Variants in ARHGAP23 observed in about 807,000 individuals in gnomAD.
ARHGAP23 encodes Rho GTPase activating protein 23.
Under a neutral mutation model 136.3 loss-of-function variants are expected in ARHGAP23, and 34 were observed. That is an observed-to-expected ratio of 0.25 (90% CI 0.19 to 0.33). The LOEUF (loss-of-function observed/expected upper bound fraction) is 0.33. Among genes scored for constraint, ARHGAP23 ranks in the 10% least tolerant of loss-of-function variants. ARHGAP23 has a pLI of 1.00. For missense variants in ARHGAP23, 1,808 were observed against 2,139.0 expected, an observed-to-expected ratio of 0.85 and a Z score of 3.05; for synonymous variants, 832 against 920.5, an observed-to-expected ratio of 0.90 and a Z score of 1.74.
chr17:38,490,981 C>T (rs1341832078), intron 19 of ARHGAP23, among the ~76,000 whole-genome samples: 2 of 152,222 alleles, frequency 1.3e-5, no homozygotes, highest in East Asian at 1.9e-4. Flanking sequence ...TGCCTTGGCA[C>T]GATCTCGGCT....
In ARHGAP23 at chr17:38,466,423, T is replaced by A. The variant is rs753044461; in HGVS notation, c.740T>A (p.Met247Lys). ...CACCTGGACAACTCTTCCTTGGGGA[T>A]GAGCCAGCCCCGCCCCAGCCCTGGT... The part of the protein sequence containing the change: ...RAHLDNSSLG[M>K]SQPRPSPGAF... The change falls in exon 7 of 24, where the codon ATG becomes AAG. Residue 247 changes from methionine (M) to lysine (K), a missense_variant. By Grantham distance (95) the Met-to-Lys change is moderately conservative. Coordinates refer to ENST00000622683, the MANE Select transcript of ARHGAP23 (RefSeq NM_001199417.2). 3 of 1,528,516 alleles carry A rather than the reference T, an allele frequency of 2.0e-6. No individual in the cohort carries two copies. The African/African-American group carries it at 4.1e-5, about 21-fold the overall frequency. The allele number at this position is 1,528,516 out of a possible 1,614,324, so 94.7% of individuals were successfully genotyped here.
rs12939694 is a variant in ARHGAP23, at chr17:38,437,486, G to A, written c.63+8938G>A. On this transcript the variant is annotated intron_variant, in intron 1 of 23. Transcript: ENST00000622683. ...TAAAAAATTAGCCAGGTGTGGTGGT[G>A]CACACCTGTAGTCCCAGCTACTCGG... is the stretch of plus-strand genomic sequence containing the variant. 6.0e-3 allele frequency among the ~76,000 whole-genome samples: 908 copies of A among 151,968 alleles called. 13 individuals are homozygous for A. Among genetic ancestry groups the A allele is most frequent in the African/African-American group, 0.019 (774 of 41,438 alleles).
intron 1 of ARHGAP23, among the ~76,000 whole-genome samples, chr17:38,443,968 C>T (rs554956391): frequency 6.6e-6 from 1 of 152,208 alleles, no homozygotes; most frequent in African/African-American, 2.4e-5. Flanking sequence ...CACTGTCCAG[C>T]GTGAGACCAG....
At chr17:38,464,991 G>A (rs932310226) in intron 6 of ARHGAP23, among the ~76,000 whole-genome samples, 2 of 152,092 alleles carry the variant, frequency 1.3e-5, no homozygotes, top group Non-Finnish European at 2.9e-5. Flanking sequence ...CCAGCCGAGA[G>A]AGAGTCGGGT....
intron 22 of ARHGAP23, 56 bp from the exon 23 acceptor site, chr17:38,500,541 C>T (rs2144792145): frequency 1.3e-6 from 2 of 1,490,376 alleles, no homozygotes; most frequent in Admixed American, 2.0e-5. Flanking sequence ...GCATAAGACT[C>T]AGCTTTCTTT....
At chr17:38,439,441 C>T (rs2038873115) in intron 1 of ARHGAP23, among the ~76,000 whole-genome samples, 1 of 152,342 alleles carries the variant, frequency 6.6e-6, no homozygotes, top group African/African-American at 2.4e-5. Flanking sequence ...TATCCAGCTT[C>T]TAGGCCAGGC....
chr17:38,482,969 T>C (rs886757212), intron 16 of ARHGAP23, among the ~76,000 whole-genome samples: 1 of 152,040 alleles, frequency 6.6e-6, no homozygotes, highest in Non-Finnish European at 1.5e-5. Flanking sequence ...ATGAGTAGAG[T>C]TCACCAAAGG....
chr17:38,489,812 G>T (rs764888830), intron 17 of ARHGAP23: 21 of 366,160 alleles, frequency 5.7e-5, no homozygotes, highest in Middle Eastern at 7.7e-4. Flanking sequence ...GGAGACGGGG[G>T]CAGGGACCCC....
At chr17:38,498,943 G>A (rs2040457809) in intron 22 of ARHGAP23, 1 of 699,642 alleles carries the variant, frequency 1.4e-6, no homozygotes, top group East Asian at 2.7e-5. Flanking sequence ...GGACCTGTTG[G>A]AGATTTAAAG....
At chr17:38,473,944 G>C (rs1002938193) in intron 11 of ARHGAP23, among the ~76,000 whole-genome samples, 2 of 151,876 alleles carry the variant, frequency 1.3e-5, no homozygotes, top group African/African-American at 4.8e-5. Context: ...TTTTTGAGAC[G>C]GAGTTTCACT....
At chr17:38,478,475 C>T (rs563943446) in intron 12 of ARHGAP23, among the ~76,000 whole-genome samples, 4 of 149,682 alleles carry the variant, frequency 2.7e-5, no homozygotes, top group Admixed American at 1.3e-4. Flanking sequence ...AGTGCAGTGG[C>T]GCGATCTCAG....
In ARHGAP23 at chr17:38,467,179, G is replaced by T. The variant is rs777595752; in HGVS notation, c.1496G>T (p.Arg499Leu). ...VVLRQKPPTG[R>L]KVQLTPARQM... ...CTGAGGCAGAAGCCCCCGACGGGCC[G>T]CAAGGTTCAGCTGACCCCCGCAAGA... is the stretch of plus-strand genomic sequence containing the variant. The change falls in exon 7 of 24, where the codon CGC (arginine) becomes CTC (leucine). Residue 499 changes from arginine (R) to leucine (L), a missense_variant. Physicochemically the swap from Arg to Leu is moderately radical, Grantham distance 102. Around this residue, in one of 7 missense-constraint regions of ARHGAP23, gnomAD observed 859 missense variants for 936.4 expected, o/e 0.92. Transcript: ENST00000622683. 5.2e-6 allele frequency: 8 copies of T among 1,549,950 alleles called. No individual in the cohort carries two copies. Among genetic ancestry groups the T allele is most frequent in the African/African-American group, 1.4e-5 (1 of 73,168 alleles).
At chr17:38,468,444 C>T (rs140063103) in intron 7 of ARHGAP23, among the ~76,000 whole-genome samples, 7 of 152,160 alleles carry the variant, frequency 4.6e-5, no homozygotes, top group African/African-American at 7.2e-5. Flanking sequence ...GCAGGATAGA[C>T]GGGGCTGGGG....
chr17:38,424,723 C>A (rs1446446337), upstream of ARHGAP23, among the ~76,000 whole-genome samples: 1 of 152,164 alleles, frequency 6.6e-6, no homozygotes, highest in African/African-American at 2.4e-5. Flanking sequence ...AGTGTATAGA[C>A]CCTGGAGCCC....
chr17:38,473,617 A>G (rs2039817147), intron 11 of ARHGAP23, among the ~76,000 whole-genome samples: 1 of 145,192 alleles, frequency 6.9e-6, no homozygotes, highest in Admixed American at 6.9e-5. Flanking sequence ...GCTCCTGTTG[A>G]GCAGAGAGAA....
chr17:38,459,408 G>A (rs961300615), intron 2 of ARHGAP23, among the ~76,000 whole-genome samples: 3 of 152,210 alleles, frequency 2.0e-5, no homozygotes, highest in Non-Finnish European at 4.4e-5. Context: ...TGGGGCTCCT[G>A]CATAACTGTT....
rs1468704405 is a variant in ARHGAP23 at position 38,453,418 on chromosome 17, C to CGTGT, written c.64-4681_64-4680insTGTG. 3.4e-3 allele frequency among the ~76,000 whole-genome samples: 344 copies of CGTGT among 100,922 alleles called. 1 individual carries two copies. Among genetic ancestry groups the CGTGT allele is most frequent in the Admixed American group, 4.0e-3 (39 of 9,872 alleles). 66.2% of individuals were successfully genotyped at this position (100,922 alleles called of 152,430 possible). On this transcript the variant is annotated intron_variant, in intron 1 of 23. Transcript: ENST00000622683. ...GATGGGGCTGATGCGCGCGCGTATG[C>CGTGT]GTGCGTGTGTGTGTGTGTGTGTGTG... is the stretch of plus-strand genomic sequence containing the variant.
intron 1 of ARHGAP23, among the ~76,000 whole-genome samples, chr17:38,457,135 C>T (rs967760074): frequency 2.6e-5 from 4 of 152,190 alleles, no homozygotes; most frequent in Non-Finnish European, 5.9e-5. Context: ...GTCTCGAACT[C>T]GCCTTGGTCT....
At chr17:38,471,577 T>G (rs1323073821) in intron 10 of ARHGAP23, among the ~76,000 whole-genome samples, 1 of 152,250 alleles carries the variant, frequency 6.6e-6, no homozygotes, top group Non-Finnish European at 1.5e-5. Flanking sequence ...CTTCTAAGTC[T>G]ATAAAGTTAT....
Sources: gnomAD v4.1 joint callset for allele counts (sites outside exome capture counted in the v4.1 genomes callset) on GRCh38, gnomAD v4.1.1 for gene constraint, gnomAD v4.1.1 regional missense constraint, MANE v1.5 for transcripts, NCBI Gene and HGNC (gene_info 2026-07-23, HGNC 2026-07-21) for gene names.